The following TMC1 variants were observed in gnomAD, a reference collection of about 807,000 sequenced individuals.
The protein encoded by TMC1 is transmembrane channel-like protein 1.
TMC1 carries 84 observed loss-of-function variants against 105.8 expected under a neutral mutation model. The observed-to-expected ratio is 0.79, with a 90% confidence interval of 0.67 to 0.95. The LOEUF (loss-of-function observed/expected upper bound fraction) is 0.95. TMC1 is among the 40% of genes least tolerant of loss of function. The pLI is 0.00. For missense variants in TMC1, 817 were observed against 914.1 expected, an observed-to-expected ratio of 0.89 and a Z score of 1.37; for synonymous variants, 315 against 311.5, an observed-to-expected ratio of 1.01 and a Z score of -0.12.
chr9:72,658,812 C>G (rs1485290334), intron 5 of TMC1, among the ~76,000 whole-genome samples: 1 of 152,146 alleles, frequency 6.6e-6, no homozygotes, highest in African/African-American at 2.4e-5. Flanking sequence ...TGGGGTGTTA[C>G]AAAAGGCCTT....
At chr9:72,679,196 G>C (rs1056408086) in intron 5 of TMC1, among the ~76,000 whole-genome samples, 3 of 151,988 alleles carry the variant, frequency 2.0e-5, no homozygotes, top group African/African-American at 7.2e-5. Flanking sequence ...TTTTTATTGG[G>C]ACAAATGGGT....
intron 5 of TMC1, among the ~76,000 whole-genome samples, chr9:72,685,338 C>A (rs749345636): frequency 6.8e-6 from 1 of 147,920 alleles, no homozygotes; most frequent in Admixed American, 6.8e-5. Context: ...GATCTCCTGA[C>A]CTCATGATCC....
chr9:72,744,302 T>C (rs1413851185), intron 10 of TMC1, among the ~76,000 whole-genome samples: 17 of 152,228 alleles, frequency 1.1e-4, no homozygotes, highest in Admixed American at 9.2e-4. Flanking sequence ...TTTCTCCCAA[T>C]AGATGGGAAA....
chr9:72,692,970 A>G (rs1020627746), intron 6 of TMC1, among the ~76,000 whole-genome samples: 8 of 152,092 alleles, frequency 5.3e-5, no homozygotes, highest in African/African-American at 1.9e-4. Context: ...AATACAAAAA[A>G]TTAGCTGGGT....
At chr9:72,777,239 G>A (rs1451091438) in intron 13 of TMC1, among the ~76,000 whole-genome samples, 1 of 152,092 alleles carries the variant, frequency 6.6e-6, no homozygotes, top group African/African-American at 2.4e-5. Context: ...TATCTTCCAT[G>A]TCTCTTGACA....
chr9:72,577,684 T>G (rs1486586910), intron 1 of TMC1: 5 of 150,782 alleles, frequency 3.3e-5, no homozygotes, highest in Non-Finnish European at 7.4e-5. Context: ...GACTCAGTGT[T>G]TTTTTTTTAG....
chr9:72,580,424 C>T (rs530792306), intron 2 of TMC1, among the ~76,000 whole-genome samples: 42 of 152,342 alleles, frequency 2.8e-4, no homozygotes, highest in African/African-American at 9.6e-4. Context: ...TGGTATCTGA[C>T]TGAGTACAGG....
At chr9:72,552,373 A>T (rs549253607) in intron 1 of TMC1, among the ~76,000 whole-genome samples, 40 of 152,248 alleles carry the variant, frequency 2.6e-4, no homozygotes, top group African/African-American at 9.4e-4. Context: ...CCCCCAGAAG[A>T]GACTTGTAAG....
At chr9:72,640,671 C>T (rs1269322453) in intron 4 of TMC1, among the ~76,000 whole-genome samples, 6 of 150,586 alleles carry the variant, frequency 4.0e-5, no homozygotes, top group African/African-American at 1.2e-4. Flanking sequence ...GCCGCTCTGT[C>T]GCCCAGGCTG....
chr9:72,704,245 G>A (rs1826695691), intron 8 of TMC1, among the ~76,000 whole-genome samples: 1 of 152,208 alleles, frequency 6.6e-6, no homozygotes. Flanking sequence ...TAAGCTCAGT[G>A]TAACTGAAAG....
At chr9:72,798,036 C>G (rs1426091189) in intron 17 of TMC1, among the ~76,000 whole-genome samples, 2 of 151,844 alleles carry the variant, frequency 1.3e-5, no homozygotes, top group East Asian at 3.9e-4. Context: ...AAAACTGGAT[C>G]CCATTAAAAA....
chr9:72,835,921 T>TG, intron 23 of TMC1, 30 bp from the exon 24 acceptor site: 2 of 1,524,574 alleles, frequency 1.3e-6, no homozygotes, highest in Non-Finnish European at 1.7e-6. Context: ...CCTTGTTTTT[T>TG]TTTTTTTTTT....
At chr9:72,638,948 C>T (rs1825579992) in intron 4 of TMC1, among the ~76,000 whole-genome samples, 1 of 152,126 alleles carries the variant, frequency 6.6e-6, no homozygotes, top group South Asian at 2.1e-4. Context: ...TACTCATTTA[C>T]TTCTGAAAAC....
Position 72,629,353 on chromosome 9 carries a change from A to C in TMC1, c.-53+1290A>C, listed in dbSNP as rs116402055. On this transcript the variant is annotated intron_variant, in intron 4 of 23. Coordinates refer to ENST00000297784, the MANE Select transcript of TMC1 (RefSeq NM_138691.3). ...TAGTTGTAGTTGTGTTTATTATTCA[A>C]TACTGTCCATATTCAAAGAACCATT... Among the ~76,000 whole-genome samples the C allele has an allele frequency of 3.6e-3, 545 of 152,292 alleles. 4 individuals carry two copies. Among genetic ancestry groups the C allele is most frequent in the African/African-American group, 0.011 (477 of 41,564 alleles).
rs555717292 is a variant in TMC1, at chr9:72,805,827, C to T, written c.1695+317C>T. ...CTTAATCCATTTAACCCTGAGTGGA[C>T]ACAGCACATGTTTCAGAGAGCACAG... On this transcript the variant is annotated intron_variant, in intron 18 of 23. Coordinates refer to ENST00000297784, the MANE Select transcript of TMC1 (RefSeq NM_138691.3). Among the ~76,000 whole-genome samples, 1,749 of 152,206 alleles carry T rather than the reference C, an allele frequency of 0.011. 28 individuals are homozygous for T. Among genetic ancestry groups the T allele is most frequent in the African/African-American group, 0.04 (1,666 of 41,504 alleles).
At chr9:72,809,758 G>A (rs1177472748) in intron 18 of TMC1, among the ~76,000 whole-genome samples, 1 of 152,164 alleles carries the variant, frequency 6.6e-6, no homozygotes, top group Non-Finnish European at 1.5e-5. Context: ...TTCTTGAAAG[G>A]CTGGCAACAT....
At chr9:72,668,056 T>A (rs1826071397) in intron 5 of TMC1, among the ~76,000 whole-genome samples, 1 of 145,030 alleles carries the variant, frequency 6.9e-6, no homozygotes, top group Middle Eastern at 3.3e-3. Context: ...CTAGTTAGAT[T>A]GTGACATTTT....
Position 72,590,673 on chromosome 9 carries a change from C to T in TMC1, c.-306+12650C>T, listed in dbSNP as rs534149947. Among the ~76,000 whole-genome samples the T allele has an allele frequency of 3.3e-5, 5 of 152,250 alleles. No homozygotes were observed. In the East Asian group the frequency reaches 7.7e-4, roughly 23 times the overall value. ...GTTTCAGTCCAGTGAGGAAGATGGA[C>T]ATGAATCCAAGAGTCACCAAAAAAA... On this transcript the variant is annotated intron_variant, in intron 2 of 23. Coordinates refer to ENST00000297784, the MANE Select transcript of TMC1 (RefSeq NM_138691.3).
chr9:72,805,130 G>T, intron 17 of TMC1: 1 of 363,454 alleles, frequency 2.8e-6, no homozygotes, highest in Non-Finnish European at 5.1e-6. Context: ...TTTGGCTCTC[G>T]TATCATGTTT....
Sources: gnomAD v4.1 joint callset for allele counts (sites outside exome capture counted in the v4.1 genomes callset) on GRCh38, gnomAD v4.1.1 for gene constraint, MANE v1.5 for transcripts, NCBI Gene and HGNC (gene_info 2026-07-23, HGNC 2026-07-21) for gene names.